BAZ1A: variants seen among roughly 807,000 people sequenced by gnomAD.
BAZ1A encodes bromodomain adjacent to zinc finger domain protein 1A.
BAZ1A carries 50 observed loss-of-function variants against 185.2 expected under a neutral mutation model. The ratio of observed to expected loss-of-function variants is 0.27; its 90% CI spans 0.22 to 0.34. BAZ1A has a LOEUF of 0.34. BAZ1A is among the 10% of genes least tolerant of loss of function. BAZ1A has a pLI of 1.00. For missense variants in BAZ1A, 1,356 were observed against 1,839.9 expected, an observed-to-expected ratio of 0.74 and a Z score of 4.81; for synonymous variants, 571 against 615.6, an observed-to-expected ratio of 0.93 and a Z score of 1.07.
chr14:34,773,891 C>A (rs1369080030), intron 19 of BAZ1A, among the ~76,000 whole-genome samples, 165 bp from the exon 20 acceptor site: 1 of 152,190 alleles, frequency 6.6e-6, no homozygotes, highest in Non-Finnish European at 1.5e-5. Flanking sequence ...AACTGGAATT[C>A]ATATTCTTCA....
chr14:34,868,442 A>C (rs529442271), intron 2 of BAZ1A, among the ~76,000 whole-genome samples: 6 of 152,312 alleles, frequency 3.9e-5, no homozygotes, highest in African/African-American at 1.2e-4. Context: ...CATACTATTA[A>C]TTTGTTGGGT....
intron 3 of BAZ1A, among the ~76,000 whole-genome samples, chr14:34,851,103 C>G (rs2042589247): frequency 1.3e-5 from 2 of 151,912 alleles, no homozygotes; most frequent in African/African-American, 4.8e-5. Flanking sequence ...GAGACCGATG[C>G]TGGTAGATCA....
intron 10 of BAZ1A, 102 bp downstream of exon 10, chr14:34,795,568 T>C: frequency 4.1e-6 from 3 of 735,488 alleles, no homozygotes; most frequent in Non-Finnish European, 6.3e-6. Context: ...CGGTTAAATA[T>C]AAAGAGAAGA....
At chr14:34,807,066 T>C (rs1332815099) in intron 6 of BAZ1A, among the ~76,000 whole-genome samples, 1 of 149,558 alleles carries the variant, frequency 6.7e-6, no homozygotes, top group Non-Finnish European at 1.5e-5. Flanking sequence ...ATGCTCTTTT[T>C]ATTATACATT....
At chr14:34,820,960 G>A (rs551139722) in intron 4 of BAZ1A, among the ~76,000 whole-genome samples, 1 of 143,716 alleles carries the variant, frequency 7.0e-6, no homozygotes, top group South Asian at 2.2e-4. Context: ...ATGGATTAGT[G>A]TAGTTTCAGA....
chr14:34,811,040 A>G lies in BAZ1A; in HGVS notation c.537-4T>C. On this transcript the variant is annotated splice_region_variant and splice_polypyrimidine_tract_variant and intron_variant, in intron 4 of 26. Coordinates refer to ENST00000360310, the MANE Select transcript of BAZ1A (RefSeq NM_013448.3). ...ATCAATTGCATCTTTTTTCTTCCTAAAAAGAAGAGGGAAAAGACACAAATC... is the reference window on the plus strand; with the variant it reads ...ATCAATTGCATCTTTTTTCTTCCTAGAAAGAAGAGGGAAAAGACACAAATC... The G allele has an allele frequency of 6.5e-7, 1 of 1,548,292 alleles. No individual in the cohort carries two copies. Among genetic ancestry groups the G allele is most frequent in the Non-Finnish European group, 8.8e-7 (1 of 1,130,620 alleles).
intron 4 of BAZ1A, among the ~76,000 whole-genome samples, chr14:34,819,692 G>C (rs2042058350): frequency 1.3e-5 from 2 of 152,132 alleles, no homozygotes; most frequent in African/African-American, 2.4e-5. Flanking sequence ...CATCTTAGTT[G>C]CTTCAATGTT....
rs756718692 is a variant in BAZ1A, at chr14:34,776,226, T to C, written c.2526A>G (p.Ser842=). The part of the protein sequence containing the change: ...LTEDMLLPRP[S]SFQNNVQSQD... ...GAGACTGTACATTATTCTGAAATGA[T>C]GAAGGTCTAGGCAACAGCATGTCTT... Residue 842 remains serine (S), a synonymous_variant, in exon 18 of 27, where the codon TCA becomes TCG. Transcript: ENST00000360310. 2.8e-5 allele frequency: 45 copies of C among 1,614,138 alleles called. No homozygotes were observed. The highest frequency in any genetic ancestry group is 3.7e-5 in the Non-Finnish European group (44 of 1,179,994).
chr14:34,861,328 G>C (rs1486947262), intron 3 of BAZ1A, among the ~76,000 whole-genome samples: 1 of 152,132 alleles, frequency 6.6e-6, no homozygotes, highest in Non-Finnish European at 1.5e-5. Context: ...TATTGCCATA[G>C]ATTGTGTCAT....
At chr14:34,780,375 T>G (rs1236613329) in intron 16 of BAZ1A, 65 bp from the exon 17 acceptor site, 2 of 1,510,576 alleles carry the variant, frequency 1.3e-6, no homozygotes, top group Non-Finnish European at 1.8e-6. Flanking sequence ...GAAATATTTA[T>G]TGCTTGCTTA....
At chr14:34,802,733 T>C (rs1376424701) in intron 7 of BAZ1A, 121 bp downstream of exon 7, 2 of 1,013,464 alleles carry the variant, frequency 2.0e-6, no homozygotes, top group East Asian at 2.6e-5. Flanking sequence ...ACATACTTTT[T>C]GGTGAGGTAA....
At chr14:34,833,535 A>G (rs928147854) in intron 3 of BAZ1A, among the ~76,000 whole-genome samples, 2 of 152,182 alleles carry the variant, frequency 1.3e-5, no homozygotes, top group African/African-American at 2.4e-5. Flanking sequence ...CTCACAAAAC[A>G]AAACAAAAAC....
intron 3 of BAZ1A, among the ~76,000 whole-genome samples, chr14:34,832,133 T>C (rs1594885111): frequency 6.6e-6 from 1 of 150,610 alleles, no homozygotes; most frequent in East Asian, 1.9e-4. Flanking sequence ...GCAGAGGCTG[T>C]CTCAGAAAAT....
intron 4 of BAZ1A, among the ~76,000 whole-genome samples, chr14:34,814,736 C>G (rs1259544178): frequency 6.6e-6 from 1 of 151,830 alleles, no homozygotes; most frequent in East Asian, 1.9e-4. Context: ...TCAAGCCTCC[C>G]AAAGTGCTGG....
chr14:34,863,401 G>A (rs904580359), intron 2 of BAZ1A, among the ~76,000 whole-genome samples: 3 of 151,938 alleles, frequency 2.0e-5, no homozygotes, highest in Non-Finnish European at 4.4e-5. Flanking sequence ...GACCTCAGGC[G>A]ATCTGCCTGC....
rs748423966 is a variant in BAZ1A at position 34,795,663 on chromosome 14, T to TA, written c.1224+6_1224+7insT. ...TGTGTGCTAAACATCACATAACATG[T>TA]TTATACCTTAAGGTCATCACATTCC... On this transcript the variant is annotated splice_region_variant and intron_variant, in intron 10 of 26. Transcript: ENST00000360310. 16 of 1,593,786 alleles carry TA rather than the reference T, an allele frequency of 1.0e-5. No individual in the cohort carries two copies. The South Asian group carries it at 1.8e-4, about 18-fold the overall frequency.
At chr14:34,784,137 G>A (rs1880243691) in intron 14 of BAZ1A, among the ~76,000 whole-genome samples, 1 of 151,888 alleles carries the variant, frequency 6.6e-6, no homozygotes, top group South Asian at 2.1e-4. Flanking sequence ...GGGAGGCCGA[G>A]GCGGGCAGAT....
intron 3 of BAZ1A, among the ~76,000 whole-genome samples, chr14:34,843,181 A>C (rs2042445284): frequency 6.6e-6 from 1 of 152,026 alleles, no homozygotes; most frequent in Non-Finnish European, 1.5e-5. Flanking sequence ...GACAAATATA[A>C]GGAGGATCTA....
intron 21 of BAZ1A, among the ~76,000 whole-genome samples, chr14:34,767,270 C>T (rs1878912968): frequency 6.6e-6 from 1 of 152,140 alleles, no homozygotes; most frequent in Admixed American, 6.6e-5. Context: ...CTAATTGGAG[C>T]CAGATGTGGT....
Sources: allele counts gnomAD v4.1 joint callset (sites outside exome capture counted in the v4.1 genomes callset), GRCh38; gene constraint gnomAD v4.1.1; transcripts MANE v1.5; gene names NCBI Gene and HGNC (gene_info 2026-07-23, HGNC 2026-07-21).